SETD2: variants seen among roughly 807,000 people sequenced by gnomAD.
The protein encoded by SETD2 is SET domain containing 2, histone lysine methyltransferase.
A neutral mutation model predicts 242.1 loss-of-function variants in SETD2; 31 were observed. The ratio of observed to expected loss-of-function variants is 0.13; its 90% CI spans 0.10 to 0.17. The LOEUF (loss-of-function observed/expected upper bound fraction) is 0.17. Ranked by LOEUF, SETD2 falls within the 10% of genes least tolerant of loss-of-function variation. The pLI is 1.00. For missense variants in SETD2, 2,481 were observed against 3,046.3 expected (o/e 0.81, Z 4.37); for synonymous variants, 1,006 against 1,066.5 (o/e 0.94, Z 1.11).
At chr3:47,097,801 T>C (rs1336660239) in intron 9 of SETD2, among the ~76,000 whole-genome samples, 154 bp downstream of exon 9, 1 of 152,194 alleles carries the variant, frequency 6.6e-6, no homozygotes, top group African/African-American at 2.4e-5. Flanking sequence ...GAATCTGAAA[T>C]AAAAATAGCA....
chr3:47,103,716 A>G (rs894195174), intron 6 of SETD2, among the ~76,000 whole-genome samples: 1 of 149,142 alleles, frequency 6.7e-6, no homozygotes, highest in Non-Finnish European at 1.5e-5. Context: ...ATTAAGACAA[A>G]TGTAAGATAC....
rs1290684917 is a variant in SETD2, at chr3:47,123,529, A to T, written c.1107T>A (p.Ser369=). The change falls in exon 3 of 21, where the codon TCT becomes TCA. Residue 369 remains serine, a synonymous_variant. Transcript: ENST00000409792. ...AATATTTATCATCTCTGTCTGTTTT[A>T]GATCGTGAAGGTTTCCCTAGATCCT... ...KSEDLGKPSR[S]KTDRDDKYFS... is the part of the protein sequence containing the mutation. 1 of 1,550,712 alleles carries T rather than the reference A, an allele frequency of 6.4e-7. No individual in the cohort carries two copies.
At chr3:47,032,703 G>C (rs934313525) in intron 18 of SETD2, among the ~76,000 whole-genome samples, 4 of 152,074 alleles carry the variant, frequency 2.6e-5, no homozygotes, top group African/African-American at 9.7e-5. Flanking sequence ...CCTGAGGTCA[G>C]GAGTTCGAGA....
chr3:47,154,828 T>TA (rs1376701498), intron 1 of SETD2, among the ~76,000 whole-genome samples: 2 of 151,746 alleles, frequency 1.3e-5, no homozygotes, highest in African/African-American at 2.4e-5. Flanking sequence ...CCATCTCTAC[T>TA]AAAAAAATAC....
chr3:47,144,474 T>C (rs2043807662), intron 1 of SETD2, among the ~76,000 whole-genome samples: 1 of 151,608 alleles, frequency 6.6e-6, no homozygotes. Context: ...CCGTCTCTGC[T>C]AAAAATACAA....
intron 17 of SETD2, among the ~76,000 whole-genome samples, chr3:47,040,976 T>C (rs1191678623): frequency 2.6e-5 from 4 of 152,186 alleles, no homozygotes; most frequent in Admixed American, 1.3e-4. Flanking sequence ...GTGTACCTGT[T>C]TTGCCCAACA....
chr3:47,145,304 C>T (rs1196866501), intron 1 of SETD2, among the ~76,000 whole-genome samples: 1 of 152,166 alleles, frequency 6.6e-6, no homozygotes, highest in African/African-American at 2.4e-5. Flanking sequence ...GTTTCATATA[C>T]CCCTTATACA....
At chr3:47,126,473 C>A (rs1175055159) in intron 2 of SETD2, among the ~76,000 whole-genome samples, 175 bp downstream of exon 2, 1 of 152,222 alleles carries the variant, frequency 6.6e-6, no homozygotes, top group Admixed American at 6.5e-5. Context: ...AGATACACAA[C>A]ATCCCTCACT....
At chr3:47,142,263 T>A (rs2043747366) in intron 1 of SETD2, among the ~76,000 whole-genome samples, 1 of 152,168 alleles carries the variant, frequency 6.6e-6, no homozygotes, top group Non-Finnish European at 1.5e-5. Flanking sequence ...ATCCCAGCAC[T>A]TTGGGAGGCT....
chr3:47,106,655 T>C (rs1559726640), intron 5 of SETD2, among the ~76,000 whole-genome samples: 1 of 149,834 alleles, frequency 6.7e-6, no homozygotes, highest in Non-Finnish European at 1.5e-5. Flanking sequence ...CTACTAAAAA[T>C]ACAAAAATTA....
intron 5 of SETD2, among the ~76,000 whole-genome samples, chr3:47,107,394 A>G (rs1009480456): frequency 1.3e-5 from 2 of 152,178 alleles, no homozygotes; most frequent in Admixed American, 1.3e-4. Flanking sequence ...TTAAAAACAA[A>G]TGAGAAAAGA....
At chr3:47,132,633 T>C (rs1240661105) in intron 1 of SETD2, among the ~76,000 whole-genome samples, 2 of 149,770 alleles carry the variant, frequency 1.3e-5, no homozygotes, top group Non-Finnish European at 3.0e-5. Flanking sequence ...AGTGAGGTCC[T>C]AGGTCTCACT....
At chr3:47,056,092 ATTTTTATTTATTTATT>A (rs1292186822) in intron 15 of SETD2, among the ~76,000 whole-genome samples, 5 of 113,004 alleles carry the variant, frequency 4.4e-5, no homozygotes, top group East Asian at 5.0e-4. Flanking sequence ...AGAAAACATG[ATTTTTATTTATTTATT>A]TATTTATTTA....
chr3:47,133,322 G>C (rs2043522167), intron 1 of SETD2, among the ~76,000 whole-genome samples: 1 of 152,094 alleles, frequency 6.6e-6, no homozygotes, highest in Admixed American at 6.5e-5. Context: ...CCAAAGTGCT[G>C]GGATTACAGG....
rs2107483688 is a variant in SETD2, at chr3:47,017,022, A to T, written c.*71T>A. 2 of 1,453,224 alleles carry T rather than the reference A, an allele frequency of 1.4e-6. No individual in the cohort carries two copies. The highest frequency in any genetic ancestry group is 1.9e-6 in the Non-Finnish European group (2 of 1,042,354). The allele number at this position is 1,453,224 out of a possible 1,614,324, so 90.0% of individuals were successfully genotyped here. A position where few individuals can be genotyped will look rare whatever the true frequency, so the allele number is the denominator to read the frequency against. ...CAGTGCTGACAGGGGTGGGACAGAA[A>T]GGCCCACAGGATTTCCTCTCCCTAG... On this transcript the variant is annotated 3_prime_UTR_variant, in exon 21 of 21. Transcript: ENST00000409792. The surrounding 1 kb of genome is among the most constrained non-coding windows in gnomAD (Gnocchi z 4.8).
chr3:47,055,740 T>C (rs1274277141), intron 15 of SETD2, among the ~76,000 whole-genome samples: 2 of 151,446 alleles, frequency 1.3e-5, no homozygotes, highest in Admixed American at 1.3e-4. Flanking sequence ...CCAGGCACGG[T>C]GGCTCACGTC....
At chr3:47,163,179 G>C (rs919642783) in intron 1 of SETD2, among the ~76,000 whole-genome samples, 2 of 152,312 alleles carry the variant, frequency 1.3e-5, no homozygotes, top group East Asian at 3.9e-4. Flanking sequence ...CCTCAACAAC[G>C]GGACCACACA....
intron 18 of SETD2, among the ~76,000 whole-genome samples, chr3:47,032,553 A>AAAAAC (rs2038818849): frequency 6.6e-6 from 1 of 152,112 alleles, no homozygotes; most frequent in Admixed American, 6.6e-5. Context: ...ACAAAAAAAA[A>AAAAAC]CCAGAATACT....
intron 6 of SETD2, among the ~76,000 whole-genome samples, chr3:47,104,801 G>A (rs2107691749): frequency 6.6e-6 from 1 of 152,322 alleles, no homozygotes; most frequent in South Asian, 2.1e-4. Context: ...GCTGGGTGTA[G>A]TGGTTCATGC....
Sources: allele counts gnomAD v4.1 joint callset (sites outside exome capture counted in the v4.1 genomes callset), GRCh38; gene constraint gnomAD v4.1.1; non-coding constraint Gnocchi (gnomAD v3.1); transcripts MANE v1.5; gene names NCBI Gene and HGNC (gene_info 2026-07-23, HGNC 2026-07-21).